Variants in MIGA1 observed in about 807,000 individuals in gnomAD.
MIGA1 encodes mitoguardin 1.
MIGA1 carries 58 observed loss-of-function variants against 82.0 expected under a neutral mutation model. The ratio of observed to expected loss-of-function variants is 0.71; its 90% CI spans 0.57 to 0.88. The LOEUF is 0.88. Ranked by LOEUF, MIGA1 falls within the 40% of genes least tolerant of loss-of-function variation. MIGA1 has a pLI of 0.00. For missense variants in MIGA1, 751 were observed against 749.1 expected (o/e 1.00, Z -0.03); for synonymous variants, 249 against 253.6 (o/e 0.98, Z 0.17).
intron 2 of MIGA1, among the ~76,000 whole-genome samples, chr1:77,792,786 CTTTTT>C (rs888755051): frequency 8.2e-6 from 1 of 121,614 alleles, no homozygotes. Context: ...GGATTGTTTG[CTTTTT>C]TTTTTTTTTT....
chr1:77,866,511 C>G lies in MIGA1; in HGVS notation c.1563+120C>G, dbSNP rs189686644. The G allele has an allele frequency of 5.6e-5, 51 of 907,144 alleles. 1 individual carries two copies. The Admixed American group carries it at 9.5e-4, about 17-fold the overall frequency. The allele number at this position is 907,144 out of a possible 1,614,324, so 56.2% of individuals were successfully genotyped here. A position where few individuals can be genotyped will look rare whatever the true frequency, so the allele number is the denominator to read the frequency against. On this transcript the variant is annotated intron_variant, in intron 14 of 15. Coordinates refer to ENST00000370791, the MANE Select transcript of MIGA1 (RefSeq NM_198549.4). The stretch of plus-strand genomic sequence containing the variant: ...TGTAGGAGGGGTAGGAGGGACTGTC[C>G]CTCAGGCTAGATGAGTGACTTACTG...
intron 4 of MIGA1, 99 bp from the exon 5 acceptor site, chr1:77,806,876 C>A: frequency 1.1e-4 from 81 of 724,398 alleles, no homozygotes; most frequent in Non-Finnish European, 1.2e-4. Context: ...GATTGTCTTA[C>A]CACTAATAGG....
At chr1:77,870,613 CAG>C (rs1327781225) in intron 14 of MIGA1, among the ~76,000 whole-genome samples, 2 of 150,238 alleles carry the variant, frequency 1.3e-5, no homozygotes, top group Non-Finnish European at 3.0e-5. Context: ...GGCAGCCAGG[CAG>C]AGAGGCTCCT....
rs199632304 is a variant in MIGA1 at position 77,801,350 on chromosome 1, C to G, written c.215C>G (p.Ala72Gly). The change falls in exon 3 of 16, where the codon GCT (alanine) becomes GGT (glycine). Residue 72 changes from alanine to glycine, a missense_variant. By Grantham distance (60) the Ala-to-Gly change is moderately conservative. This residue lies in a region of MIGA1 where 482 missense variants were observed against 439.4 expected (regional missense o/e 1.10). Transcript: ENST00000370791. ...TTCCAGATCAAATTTTCTCCGGTGG[C>G]TAAAAAGTTGTTTGTGGTAACTGCA... The G allele has an allele frequency of 3.4e-5, 53 of 1,550,394 alleles. No homozygotes were observed. The highest frequency in any genetic ancestry group is 4.4e-5 in the Non-Finnish European group (51 of 1,158,800).
intron 2 of MIGA1, among the ~76,000 whole-genome samples, chr1:77,786,900 CACTCT>C (rs1682186404): frequency 6.6e-6 from 1 of 152,170 alleles, no homozygotes; most frequent in African/African-American, 2.4e-5. Context: ...AGCAGCACCC[CACTCT>C]ACTGGTACCA....
In MIGA1 at chr1:77,847,688, A is replaced by G. The variant is rs944554904; in HGVS notation, c.996+4281A>G. 4.1e-5 allele frequency: 64 copies of G among 1,578,706 alleles called. No homozygotes were observed. The African/African-American group carries it at 6.2e-4, about 15-fold the overall frequency. On this transcript the variant is annotated intron_variant, in intron 8 of 15. Coordinates refer to ENST00000370791, the MANE Select transcript of MIGA1 (RefSeq NM_198549.4). ...AGAAAGATCTCAGTGGATTTTATAG[A>G]CACTTACTAAATCAAGCAGTTGGTG...
At chr1:77,860,191 A>G in intron 11 of MIGA1, 65 bp downstream of exon 11, 2 of 1,129,806 alleles carry the variant, frequency 1.8e-6, no homozygotes, top group Non-Finnish European at 2.6e-6. Flanking sequence ...TTTGAACTGA[A>G]GATTAAGACA....
chr1:77,861,569 C>T lies in MIGA1; in HGVS notation c.1374+247C>T, dbSNP rs1685454989. On this transcript the variant is annotated intron_variant, in intron 12 of 15. Transcript: ENST00000370791. ...CTTCCTTCCCTCCTGTCCTCCTTCC[C>T]TTGTTCCCTCTCTTCCTTCTCTCCA... 5 of 411,088 alleles carry T rather than the reference C, an allele frequency of 1.2e-5. No homozygotes were observed. In the South Asian group the frequency reaches 1.4e-4, roughly 12 times the overall value. 25.5% of individuals were successfully genotyped at this position (411,088 alleles called of 1,614,324 possible). A position where few individuals can be genotyped will look rare whatever the true frequency, so the allele number is the denominator to read the frequency against.
At chr1:77,816,040 T>G (rs1488415832) in intron 7 of MIGA1, among the ~76,000 whole-genome samples, 2 of 152,204 alleles carry the variant, frequency 1.3e-5, no homozygotes, top group Non-Finnish European at 1.5e-5. Flanking sequence ...GCCTCCCAAG[T>G]TCATGCAATT....
intron 8 of MIGA1, among the ~76,000 whole-genome samples, chr1:77,858,336 C>A (rs1237773874): frequency 2.0e-5 from 3 of 149,586 alleles, no homozygotes; most frequent in Non-Finnish European, 4.4e-5. Context: ...GACAGTGAGA[C>A]CCTGTCTCAA....
At chr1:77,790,747 C>T (rs978113700) in intron 2 of MIGA1, among the ~76,000 whole-genome samples, 2 of 151,846 alleles carry the variant, frequency 1.3e-5, no homozygotes, top group African/African-American at 4.8e-5. Context: ...CCATCATGCC[C>T]GGCTAATCTT....
intron 14 of MIGA1, 88 bp from the exon 15 acceptor site, chr1:77,872,916 A>G: frequency 6.5e-6 from 10 of 1,547,796 alleles, no homozygotes; most frequent in Non-Finnish European, 8.8e-6. Context: ...CACTGGTCAT[A>G]TAATGAATAG....
At chr1:77,832,098 C>G (rs957189489) in intron 7 of MIGA1, among the ~76,000 whole-genome samples, 2 of 152,100 alleles carry the variant, frequency 1.3e-5, no homozygotes, top group African/African-American at 4.8e-5. Flanking sequence ...AACACTGAAG[C>G]CTGTGTGATA....
At chr1:77,821,128 C>T (rs529791352) in intron 7 of MIGA1, among the ~76,000 whole-genome samples, 76 of 102,276 alleles carry the variant, frequency 7.4e-4, no homozygotes, top group South Asian at 3.3e-3. Flanking sequence ...AGTGAGACTC[C>T]GTCTTAAAAA....
intron 8 of MIGA1, among the ~76,000 whole-genome samples, chr1:77,857,231 C>G (rs1685293176): frequency 6.6e-6 from 1 of 151,346 alleles, no homozygotes; most frequent in Admixed American, 6.6e-5. Context: ...CCACTGTGGT[C>G]TAAGAGAGTG....
intron 2 of MIGA1, among the ~76,000 whole-genome samples, chr1:77,791,566 T>C: frequency 6.6e-6 from 1 of 150,632 alleles, no homozygotes; most frequent in East Asian, 1.9e-4. Flanking sequence ...TAAGTTTTTT[T>C]TTTTTTTTTT....
intron 14 of MIGA1, among the ~76,000 whole-genome samples, chr1:77,871,168 G>A (rs1685982426): frequency 6.7e-6 from 1 of 149,578 alleles, no homozygotes; most frequent in African/African-American, 2.5e-5. Context: ...AATATAATGG[G>A]TACTCATTAA....
At chr1:77,797,730 A>G (rs1682718731) in intron 2 of MIGA1, among the ~76,000 whole-genome samples, 1 of 152,128 alleles carries the variant, frequency 6.6e-6, no homozygotes, top group Non-Finnish European at 1.5e-5. Context: ...AAATAGTATT[A>G]CTTTTTGAAA....
intron 14 of MIGA1, among the ~76,000 whole-genome samples, chr1:77,870,959 G>A (rs1228041470): frequency 2.0e-5 from 3 of 151,086 alleles, no homozygotes; most frequent in African/African-American, 7.3e-5. Context: ...GGCGGTGCGC[G>A]CCTGCAGTCG....
Sources: gnomAD v4.1 joint callset for allele counts (sites outside exome capture counted in the v4.1 genomes callset) on GRCh38, gnomAD v4.1.1 for gene constraint, gnomAD v4.1.1 regional missense constraint, MANE v1.5 for transcripts, NCBI Gene and HGNC (gene_info 2026-07-23, HGNC 2026-07-21) for gene names.